Variants in CSMD3 observed in about 807,000 individuals in gnomAD.
CSMD3 encodes the protein CUB and sushi domain-containing protein 3.
CSMD3 carries 177 observed loss-of-function variants against 435.2 expected under a neutral mutation model. The observed-to-expected ratio is 0.41, with a 90% CI of 0.36 to 0.46. CSMD3 has a LOEUF of 0.46. CSMD3 is among the 20% of genes least tolerant of loss of function. CSMD3 has a pLI of 0.34. For synonymous variants in CSMD3, 1,656 were observed against 1,520.5 expected (o/e 1.09, Z -2.07); for missense variants, 4,265 against 4,504.6 (o/e 0.95, Z 1.52).
At chr8:112,341,824 T>C (rs543715275) in intron 41 of CSMD3, 138 bp from the exon 42 acceptor site, 4 of 703,134 alleles carry the variant, frequency 5.7e-6, no homozygotes, top group African/African-American at 1.7e-5. Context: ...ATCTGAGTCA[T>C]GGATTTGCTG....
intron 1 of CSMD3, among the ~76,000 whole-genome samples, chr8:113,401,258 A>G (rs1427927827): frequency 1.3e-5 from 2 of 151,748 alleles, no homozygotes; most frequent in Non-Finnish European, 3.0e-5. Flanking sequence ...TTCCTTTATA[A>G]TACATGGTTA....
At chr8:112,426,947 G>A (rs1813126961) in intron 32 of CSMD3, among the ~76,000 whole-genome samples, 1 of 152,152 alleles carries the variant, frequency 6.6e-6, no homozygotes, top group Non-Finnish European at 1.5e-5. Flanking sequence ...CAAAAGTATT[G>A]TGTCAGCATG....
chr8:113,145,287 G>A (rs2091647311), intron 4 of CSMD3, among the ~76,000 whole-genome samples: 1 of 151,458 alleles, frequency 6.6e-6, no homozygotes, highest in Non-Finnish European at 1.5e-5. Flanking sequence ...GAGATGTAGT[G>A]GCCTTACAAA....
intron 65 of CSMD3, among the ~76,000 whole-genome samples, chr8:112,243,007 GA>G (rs371885097): frequency 1.2e-4 from 19 of 152,158 alleles, no homozygotes; most frequent in African/African-American, 4.3e-4. Context: ...TTAGAATTAG[GA>G]GGGAGTAAAA....
At chr8:112,808,724 A>C (rs570377358) in intron 12 of CSMD3, among the ~76,000 whole-genome samples, 2 of 152,026 alleles carry the variant, frequency 1.3e-5, no homozygotes, top group Non-Finnish European at 2.9e-5. Context: ...TTACTTCTGT[A>C]AGATTGCTTC....
At chr8:113,122,888 C>G (rs934864227) in intron 4 of CSMD3, among the ~76,000 whole-genome samples, 4 of 151,516 alleles carry the variant, frequency 2.6e-5, no homozygotes, top group Admixed American at 2.0e-4. Flanking sequence ...TGATTTCCTA[C>G]TTTCTTAATT....
intron 13 of CSMD3, among the ~76,000 whole-genome samples, chr8:112,782,976 A>G (rs764950598): frequency 3.3e-5 from 5 of 152,082 alleles, no homozygotes; most frequent in Non-Finnish European, 5.9e-5. Flanking sequence ...AAAAAATGTT[A>G]ATAAGTGATA....
At chr8:113,174,958 C>A (rs1030646554) in intron 3 of CSMD3, among the ~76,000 whole-genome samples, 1 of 151,756 alleles carries the variant, frequency 6.6e-6, no homozygotes, top group Non-Finnish European at 1.5e-5. Flanking sequence ...TATATGGGAA[C>A]TACTGTTCTT....
intron 1 of CSMD3, among the ~76,000 whole-genome samples, chr8:113,327,150 T>A (rs1257752260): frequency 6.6e-6 from 1 of 152,128 alleles, no homozygotes; most frequent in African/African-American, 2.4e-5. Flanking sequence ...TTTTCTGTGA[T>A]TTTCTTTATT....
Position 113,189,306 on chromosome 8 carries a change from G to C in CSMD3, c.515-15390C>G, listed in dbSNP as rs572094235. 4.6e-5 allele frequency among the ~76,000 whole-genome samples: 7 copies of C among 151,820 alleles called. 1 individual carries two copies. Among genetic ancestry groups the C allele is most frequent in the Admixed American group, 2.0e-4 (3 of 15,180 alleles). Reference sequence around the variant, plus strand: ...ATGACAATTATCTCTCTGTTTGATTGCTTGCATTAGACTCTTTCCTCATTC... The same window carrying C: ...ATGACAATTATCTCTCTGTTTGATTCCTTGCATTAGACTCTTTCCTCATTC... On this transcript the variant is annotated intron_variant, in intron 3 of 70. Transcript: ENST00000297405.
chr8:112,601,448 G>T (rs1358020371), intron 22 of CSMD3, among the ~76,000 whole-genome samples: 2 of 152,076 alleles, frequency 1.3e-5, no homozygotes, highest in African/African-American at 4.8e-5. Context: ...AGGCGAATAA[G>T]ATACAAACAT....
intron 13 of CSMD3, among the ~76,000 whole-genome samples, chr8:112,759,392 G>A (rs1051310643): frequency 2.0e-5 from 3 of 152,062 alleles, no homozygotes; most frequent in Non-Finnish European, 4.4e-5. Context: ...AGAACTCAGG[G>A]TTCGTAAATA....
intron 13 of CSMD3, among the ~76,000 whole-genome samples, chr8:112,726,258 C>T (rs1471074372): frequency 6.6e-6 from 1 of 151,902 alleles, no homozygotes; most frequent in Non-Finnish European, 1.5e-5. Flanking sequence ...GGTGGAAAAA[C>T]AAAGCATAAC....
intron 58 of CSMD3, among the ~76,000 whole-genome samples, chr8:112,283,981 C>T (rs527506270): frequency 3.3e-5 from 5 of 151,746 alleles, no homozygotes; most frequent in African/African-American, 9.6e-5. Context: ...CACATTTATG[C>T]ATGTAACAAA....
chr8:112,918,025 T>A (rs928237090), intron 10 of CSMD3, among the ~76,000 whole-genome samples: 5 of 151,970 alleles, frequency 3.3e-5, no homozygotes, highest in Non-Finnish European at 7.4e-5. Context: ...ATCTTCCTCA[T>A]CTGAATTTTG....
chr8:112,625,825 A>G (rs926856602), intron 22 of CSMD3, among the ~76,000 whole-genome samples: 7 of 152,070 alleles, frequency 4.6e-5, no homozygotes, highest in African/African-American at 7.2e-5. Flanking sequence ...TCTGCAAACA[A>G]CTTCCTAAAG....
intron 50 of CSMD3, among the ~76,000 whole-genome samples, chr8:112,307,041 A>G (rs1274532159): frequency 6.6e-6 from 1 of 151,968 alleles, no homozygotes; most frequent in African/African-American, 2.4e-5. Flanking sequence ...AGAAAAAAAA[A>G]AACACATAAT....
intron 10 of CSMD3, among the ~76,000 whole-genome samples, chr8:112,920,773 C>T (rs939924516): frequency 2.0e-5 from 3 of 151,626 alleles, no homozygotes; most frequent in Non-Finnish European, 2.9e-5. Flanking sequence ...TAAAAAGGTA[C>T]CCCAGTTGGT....
intron 1 of CSMD3, among the ~76,000 whole-genome samples, chr8:113,394,115 T>A (rs897446597): frequency 6.6e-6 from 1 of 151,528 alleles, no homozygotes; most frequent in Non-Finnish European, 1.5e-5. Context: ...TAGTCTAGCA[T>A]TTTTATAACT....
Sources: allele counts gnomAD v4.1 joint callset (sites outside exome capture counted in the v4.1 genomes callset), GRCh38; gene constraint gnomAD v4.1.1; transcripts MANE v1.5; gene names NCBI Gene and HGNC (gene_info 2026-07-23, HGNC 2026-07-21).